The following SORCS3 variants were observed in gnomAD, a reference collection of about 807,000 sequenced individuals.
SORCS3 encodes sortilin related VPS10 domain containing receptor 3.
Under a neutral mutation model 146.3 loss-of-function variants are expected in SORCS3, and 57 were observed. The ratio of observed to expected loss-of-function variants is 0.39; its 90% CI spans 0.31 to 0.49. The LOEUF is 0.49. Among genes scored for constraint, SORCS3 ranks in the 20% least tolerant of loss-of-function variants. The pLI is 0.92. For synonymous variants in SORCS3, 653 were observed against 618.5 expected, an observed-to-expected ratio of 1.06 and a Z score of -0.83; for missense variants, 1,341 against 1,575.5, an observed-to-expected ratio of 0.85 and a Z score of 2.52.
chr10:105,191,533 C>A (rs1458924742), intron 14 of SORCS3, among the ~76,000 whole-genome samples: 1 of 152,080 alleles, frequency 6.6e-6, no homozygotes, highest in South Asian at 2.1e-4. Flanking sequence ...ACCAAGTAGT[C>A]CAAAGGTTAG....
At chr10:105,038,212 G>A (rs2055318442) in intron 4 of SORCS3, among the ~76,000 whole-genome samples, 3 of 152,192 alleles carry the variant, frequency 2.0e-5, no homozygotes, top group Non-Finnish European at 4.4e-5. Context: ...AGAGAACATG[G>A]CCTCATTTAT....
In SORCS3 at chr10:104,932,601, A is replaced by G. The variant is rs139401787; in HGVS notation, c.795+16669A>G. Among the ~76,000 whole-genome samples the G allele has an allele frequency of 7.9e-5, 12 of 152,250 alleles. 1 individual carries two copies. The highest frequency in any genetic ancestry group is 2.9e-4 in the African/African-American group (12 of 41,550). ...GTCTGGTGTTCATGTGGTTCTGTCT[A>G]CGTTGTGTGATTCTCAGCTTATGTG... On this transcript the variant is annotated intron_variant, in intron 3 of 26. Coordinates refer to ENST00000369701, the MANE Select transcript of SORCS3 (RefSeq NM_014978.3).
intron 20 of SORCS3, among the ~76,000 whole-genome samples, chr10:105,224,548 G>A (rs562475071): frequency 5.3e-5 from 8 of 152,208 alleles, no homozygotes; most frequent in Admixed American, 2.0e-4. Flanking sequence ...TGCTATAAAC[G>A]TTCATGGGCA....
At chr10:105,055,478 C>T (rs2055439814) in intron 5 of SORCS3, among the ~76,000 whole-genome samples, 1 of 152,162 alleles carries the variant, frequency 6.6e-6, no homozygotes, top group African/African-American at 2.4e-5. Context: ...GTGACCAGTG[C>T]TCCACCAGTC....
At chr10:104,894,016 G>A (rs2018774714) in intron 2 of SORCS3, among the ~76,000 whole-genome samples, 1 of 152,112 alleles carries the variant, frequency 6.6e-6, no homozygotes, top group Admixed American at 6.6e-5. Context: ...GCTTGCCCAG[G>A]CCTTTCTATT....
chr10:105,176,962 T>C (rs1053030734), intron 13 of SORCS3, among the ~76,000 whole-genome samples: 7 of 149,638 alleles, frequency 4.7e-5, no homozygotes, highest in Non-Finnish European at 1.5e-5. Context: ...TATTAGGATT[T>C]ATGTGTGTGT....
chr10:104,725,042 G>T (rs1366557992), intron 1 of SORCS3, among the ~76,000 whole-genome samples: 1 of 152,198 alleles, frequency 6.6e-6, no homozygotes, highest in East Asian at 1.9e-4. Flanking sequence ...TTTGGAGGAG[G>T]AGAGGTGCTC....
At chr10:104,943,829 A>G (rs1219770831) in intron 3 of SORCS3, among the ~76,000 whole-genome samples, 2 of 152,338 alleles carry the variant, frequency 1.3e-5, no homozygotes, top group East Asian at 3.9e-4. Context: ...AGTAATTAAG[A>G]AAGTCTGGTA....
At chr10:105,224,437 G>A (rs2056722308) in intron 20 of SORCS3, among the ~76,000 whole-genome samples, 2 of 152,082 alleles carry the variant, frequency 1.3e-5, no homozygotes, top group Admixed American at 6.6e-5. Context: ...TTTCAGTGCT[G>A]AATAATATCC....
At chr10:104,868,974 TG>T (rs930885409) in intron 2 of SORCS3, among the ~76,000 whole-genome samples, 11 of 152,158 alleles carry the variant, frequency 7.2e-5, no homozygotes, top group South Asian at 2.1e-4. Flanking sequence ...TCTTCACTAC[TG>T]GGAAGCATCA....
rs1027249676 is a variant in SORCS3, at chr10:105,201,100, C to T, written c.2128-20C>T. 2 of 1,608,682 alleles carry T rather than the reference C, an allele frequency of 1.2e-6. No individual in the cohort carries two copies. The highest frequency in any genetic ancestry group is 2.7e-5 in the African/African-American group (2 of 74,584). ...CCTTTTTGTTTTTCTGTCTCTCACA[C>T]TATGGAATTTCTCTCTAAGGGAGAG... On this transcript the variant is annotated intron_variant, in intron 15 of 26. Transcript: ENST00000369701.
At position 105,029,390 on chromosome 10, in the gene SORCS3, C is replaced by G. The variant is rs2055250180; in HGVS notation, c.955-13665C>G. 2.0e-5 allele frequency among the ~76,000 whole-genome samples: 3 copies of G among 152,194 alleles called. No individual in the cohort carries two copies. The South Asian group carries it at 6.2e-4, about 32-fold the overall frequency. On this transcript the variant is annotated intron_variant, in intron 4 of 26. Transcript: ENST00000369701. ...GCTTTGGGTAGGAATTGGCCAGTCT[C>G]AGTAAATCTTCTTTGCTTAATGCAC... is the stretch of plus-strand genomic sequence containing the variant.
At chr10:104,999,870 C>A (rs953695816) in intron 4 of SORCS3, among the ~76,000 whole-genome samples, 1 of 152,074 alleles carries the variant, frequency 6.6e-6, no homozygotes, top group African/African-American at 2.4e-5. Context: ...TTATTTTATC[C>A]CAGGGGTTTT....
At chr10:105,201,098 C>A (rs2056571815) in intron 15 of SORCS3, 22 bp from the exon 16 acceptor site, 6 of 1,608,042 alleles carry the variant, frequency 3.7e-6, no homozygotes, top group Non-Finnish European at 5.1e-6. Context: ...CTGTCTCTCA[C>A]ACTATGGAAT....
chr10:104,909,422 GT>G (rs2018943273), intron 2 of SORCS3, among the ~76,000 whole-genome samples: 1 of 152,138 alleles, frequency 6.6e-6, no homozygotes, highest in Non-Finnish European at 1.5e-5. Flanking sequence ...AACTGTGGTT[GT>G]TTGCCAATTT....
chr10:104,812,560 A>C (rs1012004552), intron 1 of SORCS3, among the ~76,000 whole-genome samples: 5 of 152,352 alleles, frequency 3.3e-5, no homozygotes, highest in African/African-American at 1.2e-4. Context: ...ACAATGCACA[A>C]TGTTGGAATA....
intron 2 of SORCS3, among the ~76,000 whole-genome samples, chr10:104,895,422 ACTT>A (rs1482619371): frequency 6.6e-6 from 1 of 152,142 alleles, no homozygotes; most frequent in African/African-American, 2.4e-5. Context: ...TGAATCAGAA[ACTT>A]CTTATGTCCC....
chr10:105,150,962 A>G (rs1589656928), intron 9 of SORCS3, among the ~76,000 whole-genome samples: 1 of 152,210 alleles, frequency 6.6e-6, no homozygotes, highest in East Asian at 1.9e-4. Context: ...ACTGAGAAAA[A>G]CAGTAAGTTT....
At chr10:104,664,925 G>C (rs2133251712) in intron 1 of SORCS3, 1 of 152,576 alleles carries the variant, frequency 6.6e-6, no homozygotes, top group Middle Eastern at 3.4e-3. Flanking sequence ...ACAGTGAAGG[G>C]GGCTATGGGG....
Sources: gnomAD v4.1 joint callset for allele counts (sites outside exome capture counted in the v4.1 genomes callset) on GRCh38, gnomAD v4.1.1 for gene constraint, MANE v1.5 for transcripts, NCBI Gene and HGNC (gene_info 2026-07-23, HGNC 2026-07-21) for gene names.